The following RMST variants were observed in gnomAD, a reference collection of about 807,000 sequenced individuals.
RMST encodes rhabdomyosarcoma 2 associated transcript, also known as long intergenic non-protein coding RNA 54.
intron 10 of RMST, among the ~76,000 whole-genome samples, chr12:97,511,729 A>C (rs1169151782): frequency 6.6e-6 from 1 of 152,218 alleles, no homozygotes; most frequent in East Asian, 1.9e-4. Flanking sequence ...AGCATTAAAA[A>C]TGGAATGATT....
intron 11 of RMST, among the ~76,000 whole-genome samples, chr12:97,539,808 C>A (rs1173477057): frequency 6.6e-6 from 1 of 151,518 alleles, no homozygotes; most frequent in Non-Finnish European, 1.5e-5. Context: ...TTAGGCAAAT[C>A]ACCCAACCTC....
intron 11 of RMST, chr12:97,533,032 T>C (rs1881797876): frequency 6.6e-6 from 1 of 151,838 alleles, no homozygotes; most frequent in Non-Finnish European, 1.5e-5. Context: ...ATTTTTGCAC[T>C]TCTGAGTGGT....
intron 10 of RMST, among the ~76,000 whole-genome samples, chr12:97,514,391 T>C (rs1248343760): frequency 6.6e-6 from 1 of 152,212 alleles, no homozygotes; most frequent in East Asian, 1.9e-4. Flanking sequence ...GTTCAAGAAA[T>C]GTTTTCTGAG....
chr12:97,561,989 C>T (rs928933291), intron 13 of RMST, among the ~76,000 whole-genome samples: 2 of 151,970 alleles, frequency 1.3e-5, no homozygotes, highest in Admixed American at 6.6e-5. Flanking sequence ...ATTTTGAGTG[C>T]CCTCCGCTTG....
At chr12:97,488,016 G>T (rs1372168223) in intron 5 of RMST, among the ~76,000 whole-genome samples, 1 of 152,128 alleles carries the variant, frequency 6.6e-6, no homozygotes, top group Non-Finnish European at 1.5e-5. Flanking sequence ...GAGACTTTCG[G>T]CAGAAGGCTG....
intron 13 of RMST, chr12:97,563,750 G>A (rs1884314841): frequency 2.1e-6 from 1 of 469,254 alleles, no homozygotes; most frequent in Non-Finnish European, 4.4e-6. Flanking sequence ...AGCGTGAAAT[G>A]ATTGGTTAGC....
At chr12:97,475,589 T>TTA (rs1022211281) in intron 5 of RMST, among the ~76,000 whole-genome samples, 6 of 141,182 alleles carry the variant, frequency 4.2e-5, no homozygotes, top group African/African-American at 1.5e-4. Flanking sequence ...TTTTTTTTGT[T>TTA]TTTTTTTTTT....
intron 5 of RMST, chr12:97,483,583 G>A (rs940401790): frequency 1.2e-4 from 18 of 152,260 alleles, no homozygotes; most frequent in Admixed American, 4.6e-4. Context: ...TGGTAGGCTC[G>A]ATGATTTAAA....
At chr12:97,514,542 T>TA (rs1351697966) in intron 10 of RMST, among the ~76,000 whole-genome samples, 2 of 152,222 alleles carry the variant, frequency 1.3e-5, no homozygotes, top group African/African-American at 4.8e-5. Flanking sequence ...TATATCTATA[T>TA]ATTTCATTGG....
At chr12:97,521,530 A>T (rs1880511834) in intron 10 of RMST, among the ~76,000 whole-genome samples, 1 of 152,226 alleles carries the variant, frequency 6.6e-6, no homozygotes, top group African/African-American at 2.4e-5. Flanking sequence ...ATAAGTATGT[A>T]AAGAATTTAA....
At chr12:97,564,055 C>A (rs1884350754) in intron 13 of RMST, 1 of 342,218 alleles carries the variant, frequency 2.9e-6, no homozygotes, top group Admixed American at 3.9e-5. Flanking sequence ...GCTGAGAAAT[C>A]TAGGTGGATT....
chr12:97,466,234 G>A (rs796119402), intron 5 of RMST, among the ~76,000 whole-genome samples: 10 of 152,212 alleles, frequency 6.6e-5, no homozygotes, highest in African/African-American at 1.9e-4. Context: ...ATGCTTCGGC[G>A]TACAAGTAAT....
intron 10 of RMST, among the ~76,000 whole-genome samples, chr12:97,520,958 C>G (rs1194220623): frequency 6.6e-6 from 1 of 152,142 alleles, no homozygotes; most frequent in Non-Finnish European, 1.5e-5. Flanking sequence ...CAGAACAAAT[C>G]CATATGGAGA....
At chr12:97,549,562 G>T (rs1266776296) in intron 11 of RMST, among the ~76,000 whole-genome samples, 1 of 152,208 alleles carries the variant, frequency 6.6e-6, no homozygotes, top group Non-Finnish European at 1.5e-5. Flanking sequence ...GTCTCAAGGG[G>T]TAGACCCAAT....
intron 11 of RMST, among the ~76,000 whole-genome samples, chr12:97,549,634 C>A (rs1458757431): frequency 6.6e-6 from 1 of 152,166 alleles, no homozygotes; most frequent in Non-Finnish European, 1.5e-5. Context: ...GCAGAGCAGT[C>A]AAAACTTTCT....
chr12:97,473,491 T>A (rs1874176885), intron 5 of RMST, among the ~76,000 whole-genome samples: 1 of 152,158 alleles, frequency 6.6e-6, no homozygotes, highest in Non-Finnish European at 1.5e-5. Flanking sequence ...ATAGTTTACA[T>A]CATTGCTTGT....
intron 10 of RMST, among the ~76,000 whole-genome samples, chr12:97,519,106 ATATCTT>A (rs1189780100): frequency 6.6e-6 from 1 of 152,180 alleles, no homozygotes; most frequent in East Asian, 1.9e-4. Context: ...GAAGAATTCT[ATATCTT>A]TATCCCTCAA....
At chr12:97,511,979 G>A (rs146194214) in intron 10 of RMST, among the ~76,000 whole-genome samples, 56 of 152,342 alleles carry the variant, frequency 3.7e-4, no homozygotes, top group African/African-American at 1.3e-3. Context: ...CTCACTTCAA[G>A]AATGAAGCCG....
intron 10 of RMST, among the ~76,000 whole-genome samples, chr12:97,502,554 G>A (rs1435174269): frequency 6.6e-6 from 1 of 152,154 alleles, no homozygotes; most frequent in Non-Finnish European, 1.5e-5. Flanking sequence ...TCCACTTTCT[G>A]AGCTCAAGCA....
Sources: allele counts gnomAD v4.1 joint callset (sites outside exome capture counted in the v4.1 genomes callset), GRCh38; gene constraint gnomAD v4.1.1; transcripts MANE v1.5; gene names NCBI Gene and HGNC (gene_info 2026-07-23, HGNC 2026-07-21).